The following FNBP1 variants were observed in gnomAD, a reference collection of about 807,000 sequenced individuals.
FNBP1 encodes the protein formin binding protein 1, also known as formin-binding protein 1.
A neutral mutation model predicts 90.6 loss-of-function variants in FNBP1; 26 were observed. That is an observed-to-expected ratio of 0.29 (90% CI 0.21 to 0.40). FNBP1 has a LOEUF of 0.40. Among genes scored for constraint, FNBP1 ranks in the 10% least tolerant of loss-of-function variants. The probability of loss-of-function intolerance (pLI) is 1.00; values close to 1 mark genes in which losing one functional copy is unlikely to be tolerated. For synonymous variants in FNBP1, 260 were observed against 265.2 expected (o/e 0.98, Z 0.19); for missense variants, 635 against 768.0 (o/e 0.83, Z 2.05).
At chr9:129,952,357 G>C (rs2046313381) in intron 6 of FNBP1, among the ~76,000 whole-genome samples, 1 of 152,042 alleles carries the variant, frequency 6.6e-6, no homozygotes, top group African/African-American at 2.4e-5. Flanking sequence ...AGATTAGCCG[G>C]GTGTGGTGGC....
chr9:129,919,997 T>C (rs1009288412), intron 10 of FNBP1, among the ~76,000 whole-genome samples: 2 of 152,166 alleles, frequency 1.3e-5, no homozygotes, highest in Non-Finnish European at 2.9e-5. Context: ...GTGCTTCCTC[T>C]TTTTTTGCAC....
Position 129,890,334 on chromosome 9 carries a change from C to A in FNBP1, c.*205G>T. 1 of 594,404 alleles carries A rather than the reference C, an allele frequency of 1.7e-6. No homozygotes were observed. The highest frequency in any genetic ancestry group is 3.0e-6 in the Non-Finnish European group (1 of 334,426). 36.8% of individuals were successfully genotyped at this position (594,404 alleles called of 1,614,324 possible). On this transcript the variant is annotated 3_prime_UTR_variant, in exon 17 of 17. Transcript: ENST00000446176. The surrounding 1 kb of genome is among the most constrained non-coding windows in gnomAD (Gnocchi z 5.8). ...CCCGAGCCATGGGGGTGGGCGCTGG[C>A]GAGACTTGTCCCCCACGAGGTGGCC... is the stretch of plus-strand genomic sequence containing the variant.
chr9:129,935,886 T>C lies in FNBP1; in HGVS notation c.514-6191A>G, dbSNP rs557454058. Among the ~76,000 whole-genome samples the C allele has an allele frequency of 2.6e-5, 4 of 152,322 alleles. No homozygotes were observed. The East Asian group carries it at 7.7e-4, about 29-fold the overall frequency. ...TTTATACATTGATCGAATGAATAAA[T>C]AAAGAGACTTACTAAGTTTTTAACA... is the stretch of plus-strand genomic sequence containing the variant. On this transcript the variant is annotated intron_variant, in intron 6 of 16. Transcript: ENST00000446176.
intron 11 of FNBP1, among the ~76,000 whole-genome samples, chr9:129,913,419 T>C (rs1431121994): frequency 2.0e-5 from 3 of 152,010 alleles, no homozygotes; most frequent in Admixed American, 6.6e-5. Flanking sequence ...GTCATACACA[T>C]GTACCTATGT....
At chr9:129,924,754 G>T (rs1351824149) in intron 9 of FNBP1, among the ~76,000 whole-genome samples, 1 of 152,142 alleles carries the variant, frequency 6.6e-6, no homozygotes, top group East Asian at 1.9e-4. Flanking sequence ...GTCACGGTAC[G>T]AGGATAATGC....
intron 1 of FNBP1, among the ~76,000 whole-genome samples, chr9:130,012,563 A>G (rs897921731): frequency 7.9e-5 from 12 of 152,210 alleles, no homozygotes; most frequent in African/African-American, 2.9e-4. Flanking sequence ...GTAAAAGGCT[A>G]GGCTATAAAA....
intron 10 of FNBP1, chr9:129,919,311 A>C: frequency 1.4e-6 from 1 of 714,986 alleles, no homozygotes; most frequent in Non-Finnish European, 2.1e-6. Flanking sequence ...ACATATGACA[A>C]ACAACTGGTA....
At chr9:129,979,483 AG>A (rs1297572802) in intron 2 of FNBP1, 109 bp from the exon 3 acceptor site, 1 of 742,646 alleles carries the variant, frequency 1.3e-6, no homozygotes, top group African/African-American at 1.7e-5. Context: ...AAACAAAAAA[AG>A]TCCACAGCTG....
chr9:130,011,481 G>T (rs1360078750), intron 1 of FNBP1, among the ~76,000 whole-genome samples: 4 of 151,884 alleles, frequency 2.6e-5, no homozygotes, highest in African/African-American at 9.7e-5. Flanking sequence ...TATGGGAACT[G>T]ATTAGGCTAT....
intron 1 of FNBP1, among the ~76,000 whole-genome samples, chr9:130,028,872 C>T (rs573688136): frequency 6.6e-6 from 1 of 152,294 alleles, no homozygotes; most frequent in African/African-American, 2.4e-5. Context: ...CTTCCCTGGG[C>T]TCCAGATGCA....
intron 6 of FNBP1, among the ~76,000 whole-genome samples, chr9:129,933,236 TAC>T (rs960722935): frequency 6.6e-6 from 1 of 151,748 alleles, no homozygotes; most frequent in Non-Finnish European, 1.5e-5. Flanking sequence ...CGCACACACA[TAC>T]ACACACACAC....
chr9:130,011,077 G>A (rs1271376844), intron 1 of FNBP1, among the ~76,000 whole-genome samples: 7 of 150,812 alleles, frequency 4.6e-5, no homozygotes, highest in Non-Finnish European at 8.9e-5. Context: ...TTAGGTGGGC[G>A]TGGTGGCAGG....
At chr9:129,947,362 C>G (rs1459436315) in intron 6 of FNBP1, among the ~76,000 whole-genome samples, 2 of 150,152 alleles carry the variant, frequency 1.3e-5, no homozygotes, top group Non-Finnish European at 3.0e-5. Context: ...ATTGCTTGAA[C>G]CCAGGAGGCA....
chr9:130,021,870 G>GT (rs2057863609), intron 1 of FNBP1, among the ~76,000 whole-genome samples: 1 of 152,172 alleles, frequency 6.6e-6, no homozygotes, highest in South Asian at 2.1e-4. Flanking sequence ...CTAACCTGTT[G>GT]TTTTTTCCTG....
chr9:129,998,441 G>A (rs1265700367), intron 1 of FNBP1, among the ~76,000 whole-genome samples: 1 of 151,746 alleles, frequency 6.6e-6, no homozygotes, highest in Non-Finnish European at 1.5e-5. Context: ...TCAAGCCCAG[G>A]AGGTGGAGGT....
chr9:129,908,843 T>C, intron 12 of FNBP1, 47 bp downstream of exon 12: 1 of 1,301,666 alleles, frequency 7.7e-7, no homozygotes, highest in Non-Finnish European at 1.1e-6. Flanking sequence ...TGTGAGCCAC[T>C]GCGCCTGGCC....
intron 1 of FNBP1, among the ~76,000 whole-genome samples, chr9:130,017,963 G>A (rs1309481689): frequency 1.4e-5 from 2 of 140,050 alleles, no homozygotes; most frequent in Non-Finnish European, 3.1e-5. Context: ...GCCCAGGCTG[G>A]AGTGCAGCGG....
At chr9:129,975,662 G>A (rs1247468289) in intron 4 of FNBP1, among the ~76,000 whole-genome samples, 2 of 152,154 alleles carry the variant, frequency 1.3e-5, no homozygotes, top group African/African-American at 4.8e-5. Context: ...AGCAGTTTGG[G>A]AGGCCAAGAC....
chr9:129,937,983 T>C (rs2043734099), intron 6 of FNBP1, among the ~76,000 whole-genome samples: 2 of 151,968 alleles, frequency 1.3e-5, no homozygotes, highest in African/African-American at 4.8e-5. Flanking sequence ...GCCAATATGG[T>C]GAAACCCCAT....
Sources: allele counts gnomAD v4.1 joint callset (sites outside exome capture counted in the v4.1 genomes callset), GRCh38; gene constraint gnomAD v4.1.1; non-coding constraint Gnocchi (gnomAD v3.1); transcripts MANE v1.5; gene names NCBI Gene and HGNC (gene_info 2026-07-23, HGNC 2026-07-21).